Variants in PIK3CB observed in about 807,000 individuals in gnomAD.
PIK3CB encodes the protein phosphatidylinositol 4,5-bisphosphate 3-kinase catalytic subunit beta isoform.
In PIK3CB, 39 loss-of-function variants were observed where a neutral mutation model predicts 136.8. The observed-to-expected ratio is 0.29, with a 90% CI of 0.22 to 0.37. The LOEUF is 0.37. Among genes scored for constraint, PIK3CB ranks in the 10% least tolerant of loss-of-function variants. PIK3CB has a pLI of 1.00. For synonymous variants in PIK3CB, 428 were observed against 436.6 expected (o/e 0.98, Z 0.25); for missense variants, 868 against 1,275.4 (o/e 0.68, Z 4.87).
chr3:138,728,261 G>C (rs1235878792), intron 8 of PIK3CB, among the ~76,000 whole-genome samples: 1 of 151,974 alleles, frequency 6.6e-6, no homozygotes, highest in South Asian at 2.1e-4. Context: ...AATAGAGAAG[G>C]CTTCTCACCT....
intron 5 of PIK3CB, among the ~76,000 whole-genome samples, chr3:138,738,548 T>C (rs189323458): frequency 1.1e-3 from 135 of 122,460 alleles, no homozygotes; most frequent in African/African-American, 3.3e-3. Flanking sequence ...AGCCATACTT[T>C]ATACGAATTA....
At chr3:138,710,023 C>CAAAAAAA (rs34985570) in intron 10 of PIK3CB, among the ~76,000 whole-genome samples, 1 of 91,950 alleles carries the variant, frequency 1.1e-5, no homozygotes. Context: ...ACAAAAAATA[C>CAAAAAAA]AAAAAAAAAA....
intron 1 of PIK3CB, among the ~76,000 whole-genome samples, chr3:138,816,122 C>A (rs1024601662): frequency 2.0e-5 from 3 of 150,100 alleles, no homozygotes; most frequent in African/African-American, 7.4e-5. Flanking sequence ...GGCAATGTGG[C>A]GAAACCTCTA....
chr3:138,702,046 G>C (rs183693957), intron 12 of PIK3CB, among the ~76,000 whole-genome samples: 1 of 150,846 alleles, frequency 6.6e-6, no homozygotes. Flanking sequence ...TTTACAATTA[G>C]CTCTGGAGAG....
chr3:138,793,583 G>T (rs1209266387), intron 2 of PIK3CB, among the ~76,000 whole-genome samples: 81 of 151,634 alleles, frequency 5.3e-4, no homozygotes, highest in Admixed American at 5.3e-3. Context: ...TCCAGCCTGG[G>T]CGTTGCAGCG....
intron 2 of PIK3CB, among the ~76,000 whole-genome samples, chr3:138,788,876 A>G (rs896575826): frequency 1.8e-4 from 27 of 147,872 alleles, no homozygotes; most frequent in African/African-American, 6.7e-4. Flanking sequence ...AGGCAGGAGA[A>G]TCGCTTGAAC....
intron 19 of PIK3CB, among the ~76,000 whole-genome samples, chr3:138,670,158 T>C (rs1309389324): frequency 3.3e-5 from 5 of 152,320 alleles, no homozygotes; most frequent in East Asian, 1.9e-4. Context: ...ATGAACTTCA[T>C]TTGATGCTAA....
intron 8 of PIK3CB, among the ~76,000 whole-genome samples, chr3:138,730,732 T>C (rs1390763643): frequency 6.6e-6 from 1 of 152,020 alleles, no homozygotes; most frequent in Non-Finnish European, 1.5e-5. Flanking sequence ...AGACCAGCAT[T>C]GGCAACATAG....
Position 138,780,360 on chromosome 3 carries a change from T to G in PIK3CB, c.-17+16103A>C, listed in dbSNP as rs532090858. Among the ~76,000 whole-genome samples, 8 of 152,250 alleles carry G rather than the reference T, an allele frequency of 5.3e-5. No homozygotes were observed. The East Asian group carries it at 5.8e-4, about 11-fold the overall frequency. ...ATCTCGGCTCACTGCAACCTCCGCC[T>G]CCAGGGTTCAAGTGATTCTCCTGCC... On this transcript the variant is annotated intron_variant, in intron 2 of 23. Coordinates refer to ENST00000674063, the MANE Select transcript of PIK3CB (RefSeq NM_006219.3).
chr3:138,763,320 G>T (rs776787171), intron 2 of PIK3CB, among the ~76,000 whole-genome samples: 1 of 152,064 alleles, frequency 6.6e-6, no homozygotes, highest in Non-Finnish European at 1.5e-5. Context: ...TGTATTTTTA[G>T]TAGAGATGGG....
intron 19 of PIK3CB, among the ~76,000 whole-genome samples, chr3:138,669,253 A>T (rs361091): frequency 1.3e-4 from 19 of 151,284 alleles, no homozygotes; most frequent in African/African-American, 4.9e-5. Context: ...CTCTACAAAA[A>T]GTAAAAAAAT....
chr3:138,783,293 T>C (rs1481331391), intron 2 of PIK3CB, among the ~76,000 whole-genome samples: 2 of 152,018 alleles, frequency 1.3e-5, no homozygotes, highest in Non-Finnish European at 2.9e-5. Context: ...TTTTTTTAAT[T>C]TTTTTTGGGA....
Position 138,663,981 on chromosome 3 carries a change from G to C in PIK3CB, c.2721C>G (p.Gly907=), listed in dbSNP as rs148771341. 3.2e-4 allele frequency: 518 copies of C among 1,613,750 alleles called. No individual in the cohort carries two copies. The highest frequency in any genetic ancestry group is 4.2e-4 in the Non-Finnish European group (493 of 1,179,792). ...CAAGGACATAAGAAGCTACACAGTA[G>C]CCAGCACAGGACAGTGTAAATTCCT... ...AIEEFTLSCA[G]YCVASYVLGI... Residue 907 remains glycine (G), a synonymous_variant, in exon 21 of 24, where the codon GGC becomes GGG. Coordinates refer to ENST00000674063, the MANE Select transcript of PIK3CB (RefSeq NM_006219.3).
intron 1 of PIK3CB, among the ~76,000 whole-genome samples, chr3:138,829,926 G>C (rs1933949141): frequency 6.6e-6 from 1 of 152,164 alleles, no homozygotes; most frequent in African/African-American, 2.4e-5. Context: ...TGAAGTTCAG[G>C]ACTGGAGATA....
At chr3:138,676,675 T>G (rs779770358) in intron 19 of PIK3CB, among the ~76,000 whole-genome samples, 1 of 152,176 alleles carries the variant, frequency 6.6e-6, no homozygotes, top group South Asian at 2.1e-4. Flanking sequence ...GACAATGAAA[T>G]GAAATACTGG....
chr3:138,814,035 T>C (rs1431004527), intron 1 of PIK3CB, among the ~76,000 whole-genome samples: 1 of 152,102 alleles, frequency 6.6e-6, no homozygotes, highest in Non-Finnish European at 1.5e-5. Flanking sequence ...CAGCTCTACA[T>C]GAATCAACAC....
intron 4 of PIK3CB, among the ~76,000 whole-genome samples, chr3:138,755,193 A>G (rs1387356288): frequency 6.6e-6 from 1 of 152,238 alleles, no homozygotes; most frequent in Admixed American, 6.5e-5. Flanking sequence ...CTTGGTTGGC[A>G]TAGAGAGTTG....
chr3:138,798,098 T>C lies in PIK3CB; in HGVS notation c.-121-1531A>G, dbSNP rs907777629. Among the ~76,000 whole-genome samples the C allele has an allele frequency of 2.6e-5, 4 of 152,144 alleles. No individual in the cohort carries two copies. In the East Asian group the frequency reaches 7.7e-4, roughly 29 times the overall value. On this transcript the variant is annotated intron_variant, in intron 1 of 23. Coordinates refer to ENST00000674063, the MANE Select transcript of PIK3CB (RefSeq NM_006219.3). ...AATAACAGTTATAATATGCTACCTT[T>C]GAGATTGGTGGATTTTAGGGTAAAG...
rs2108829088 is a variant in PIK3CB, at chr3:138,796,571, CAA to C, written c.-121-6_-121-5del. 6.6e-6 allele frequency: 1 copy of C among 151,976 alleles called. No homozygotes were observed. The highest frequency in any genetic ancestry group is 6.6e-5 in the Admixed American group (1 of 15,244). 9.4% of individuals were successfully genotyped at this position (151,976 alleles called of 1,614,324 possible). Reference sequence around the variant, plus strand: ...CTTTTTCCAGTTAAAACATACACTACAAAAAAGGTTGAAGACAAAAGTATTAA... The same window carrying C: ...CTTTTTCCAGTTAAAACATACACTACAAAAGGTTGAAGACAAAAGTATTAA... On this transcript the variant is annotated splice_region_variant and splice_polypyrimidine_tract_variant and intron_variant, in intron 1 of 23. Transcript: ENST00000674063.
Sources: gnomAD v4.1 joint callset for allele counts (sites outside exome capture counted in the v4.1 genomes callset) on GRCh38, gnomAD v4.1.1 for gene constraint, MANE v1.5 for transcripts, NCBI Gene and HGNC (gene_info 2026-07-23, HGNC 2026-07-21) for gene names.